ITGBL1: variants seen among roughly 807,000 people sequenced by gnomAD.
ITGBL1 encodes integrin subunit beta like 1, also known as integrin beta-like protein 1.
ITGBL1 carries 51 observed loss-of-function variants against 68.5 expected under a neutral mutation model. The ratio of observed to expected loss-of-function variants is 0.74; its 90% confidence interval spans 0.59 to 0.94. The LOEUF is 0.94. Among genes scored for constraint, ITGBL1 ranks in the 40% least tolerant of loss-of-function variants. The pLI is 0.00. For synonymous variants in ITGBL1, 209 were observed against 227.3 expected, an observed-to-expected ratio of 0.92 and a Z score of 0.72; for missense variants, 649 against 647.4, an observed-to-expected ratio of 1.00 and a Z score of -0.03.
At chr13:101,714,732 G>A in intron 10 of ITGBL1, 181 bp downstream of exon 10, 1 of 580,300 alleles carries the variant, frequency 1.7e-6, no homozygotes, top group Non-Finnish European at 3.1e-6. Context: ...ATTATTCCTA[G>A]GCATAGAAGA....
chr13:101,642,645 A>G (rs2032421453), intron 7 of ITGBL1, among the ~76,000 whole-genome samples: 1 of 151,626 alleles, frequency 6.6e-6, no homozygotes, highest in Non-Finnish European at 1.5e-5. Context: ...GCCCATGCCT[A>G]TGTCCTGAAT....
intron 7 of ITGBL1, among the ~76,000 whole-genome samples, chr13:101,658,821 C>T (rs2033002350): frequency 6.6e-6 from 1 of 152,032 alleles, no homozygotes; most frequent in Admixed American, 6.6e-5. Flanking sequence ...GTTTCCTAAG[C>T]AGCGGAGCAC....
intron 8 of ITGBL1, among the ~76,000 whole-genome samples, chr13:101,705,307 A>AAAAC (rs1555367877): frequency 0.047 from 6,751 of 144,532 alleles, 624 homozygotes; most frequent in African/African-American, 0.17. Flanking sequence ...AAAAAAAAAA[A>AAAAC]AACAACAACA....
chr13:101,512,443 G>A (rs1304526406), intron 2 of ITGBL1, among the ~76,000 whole-genome samples: 2 of 152,078 alleles, frequency 1.3e-5, no homozygotes, highest in Admixed American at 1.3e-4. Context: ...TATTTGCTTT[G>A]TAAGATTTAT....
At chr13:101,514,164 G>T (rs189917527) in intron 2 of ITGBL1, among the ~76,000 whole-genome samples, 1 of 151,954 alleles carries the variant, frequency 6.6e-6, no homozygotes, top group East Asian at 1.9e-4. Flanking sequence ...TATCCTAAAC[G>T]TCCCCATATT....
intron 2 of ITGBL1, among the ~76,000 whole-genome samples, chr13:101,470,936 G>T (rs942442980): frequency 2.0e-5 from 3 of 151,658 alleles, no homozygotes; most frequent in Non-Finnish European, 2.9e-5. Flanking sequence ...AAAGATAAAA[G>T]CATGAGCCTC....
chr13:101,618,347 G>A (rs1024481237), intron 7 of ITGBL1, among the ~76,000 whole-genome samples: 1 of 152,122 alleles, frequency 6.6e-6, no homozygotes, highest in African/African-American at 2.4e-5. Context: ...ATAAAGAGTT[G>A]TTCTTCGTTT....
intron 2 of ITGBL1, among the ~76,000 whole-genome samples, chr13:101,464,531 C>CTATA (rs546437405): frequency 2.7e-5 from 4 of 150,702 alleles, no homozygotes; most frequent in Non-Finnish European, 4.4e-5. Flanking sequence ...CTCTCTCTCT[C>CTATA]TATATATATA....
intron 9 of ITGBL1, among the ~76,000 whole-genome samples, chr13:101,707,373 A>T (rs2034284953): frequency 6.6e-6 from 1 of 152,166 alleles, no homozygotes; most frequent in African/African-American, 2.4e-5. Flanking sequence ...GGGAAGATTG[A>T]AGGTGTGAGA....
At chr13:101,691,661 C>G (rs1372856750) in intron 7 of ITGBL1, among the ~76,000 whole-genome samples, 2 of 152,150 alleles carry the variant, frequency 1.3e-5, no homozygotes, top group East Asian at 3.9e-4. Context: ...TCTCATATAG[C>G]CTTCCGGTGC....
intron 7 of ITGBL1, among the ~76,000 whole-genome samples, chr13:101,660,599 G>A (rs2033057516): frequency 6.6e-6 from 1 of 152,066 alleles, no homozygotes; most frequent in Non-Finnish European, 1.5e-5. Flanking sequence ...CTAACCTGGT[G>A]GCCTTTTATT....
At chr13:101,465,390 A>G (rs1594825472) in intron 2 of ITGBL1, among the ~76,000 whole-genome samples, 1 of 152,178 alleles carries the variant, frequency 6.6e-6, no homozygotes, top group African/African-American at 2.4e-5. Flanking sequence ...ATATAAAACT[A>G]TGATAAATTT....
At chr13:101,486,762 A>C (rs190791935) in intron 2 of ITGBL1, among the ~76,000 whole-genome samples, 1 of 152,274 alleles carries the variant, frequency 6.6e-6, no homozygotes, top group East Asian at 1.9e-4. Context: ...GCTAATTGCT[A>C]TTCTCTGTGG....
chr13:101,558,677 C>T (rs72657193), intron 2 of ITGBL1, among the ~76,000 whole-genome samples: 15 of 152,096 alleles, frequency 9.9e-5, no homozygotes, highest in African/African-American at 2.2e-4. Flanking sequence ...GTGGATGAAA[C>T]GGCAGAGGAA....
At chr13:101,546,683 T>C (rs892037318) in intron 2 of ITGBL1, among the ~76,000 whole-genome samples, 1 of 152,050 alleles carries the variant, frequency 6.6e-6, no homozygotes, top group Non-Finnish European at 1.5e-5. Flanking sequence ...TGAAACTGTA[T>C]ACATTAACTA....
At chr13:101,648,630 A>G (rs1156412784) in intron 7 of ITGBL1, among the ~76,000 whole-genome samples, 3 of 152,224 alleles carry the variant, frequency 2.0e-5, no homozygotes, top group African/African-American at 7.2e-5. Flanking sequence ...TTGTTCACCA[A>G]TGACATAAAG....
At chr13:101,647,836 G>C (rs978190942) in intron 7 of ITGBL1, among the ~76,000 whole-genome samples, 1 of 152,184 alleles carries the variant, frequency 6.6e-6, no homozygotes, top group African/African-American at 2.4e-5. Context: ...CAAAGCATTT[G>C]CCAATTCAAG....
chr13:101,712,777 T>C (rs1189343693), intron 9 of ITGBL1: 1 of 152,196 alleles, frequency 6.6e-6, no homozygotes, highest in Non-Finnish European at 1.5e-5. Context: ...TACATTTTTT[T>C]ATGCCTAGAA....
intron 7 of ITGBL1, among the ~76,000 whole-genome samples, chr13:101,659,662 C>G (rs907487233): frequency 5.3e-5 from 8 of 152,136 alleles, no homozygotes; most frequent in African/African-American, 1.4e-4. Context: ...GGGGTTTCAC[C>G]GTGTTAGCCA....
Sources: allele counts gnomAD v4.1 joint callset (sites outside exome capture counted in the v4.1 genomes callset), GRCh38; gene constraint gnomAD v4.1.1; transcripts MANE v1.5; gene names NCBI Gene and HGNC (gene_info 2026-07-23, HGNC 2026-07-21).